The following SLC2A9 variants were observed in gnomAD, a reference collection of about 807,000 sequenced individuals.
The protein encoded by SLC2A9 is solute carrier family 2, facilitated glucose transporter member 9.
Under a neutral mutation model 50.6 loss-of-function variants are expected in SLC2A9, and 39 were observed. That is an observed-to-expected ratio of 0.77 (90% CI 0.60 to 1.01). The LOEUF (loss-of-function observed/expected upper bound fraction) is 1.01. Among genes scored for constraint, SLC2A9 ranks in the 50% least tolerant of loss-of-function variants. The probability of loss-of-function intolerance (pLI) is 0.00; values close to 1 mark genes in which losing one functional copy is unlikely to be tolerated. For synonymous variants in SLC2A9, 324 were observed against 276.9 expected (o/e 1.17, Z -1.69); for missense variants, 686 against 677.6 (o/e 1.01, Z -0.14).
At chr4:9,952,665 C>T (rs1240863692) in intron 5 of SLC2A9, among the ~76,000 whole-genome samples, 2 of 152,004 alleles carry the variant, frequency 1.3e-5, no homozygotes, top group African/African-American at 4.8e-5. Context: ...GCTAGGACTA[C>T]AGGCATGCAC....
intron 2 of SLC2A9, among the ~76,000 whole-genome samples, chr4:10,018,753 C>T (rs948659459): frequency 1.2e-4 from 19 of 152,212 alleles, no homozygotes; most frequent in African/African-American, 4.1e-4. Context: ...CCAGGACACC[C>T]GCCCTCCAGC....
At chr4:10,018,560 A>ATGATAGATAGATAGATAGATAGG (rs1763024714) in intron 2 of SLC2A9, among the ~76,000 whole-genome samples, 1 of 149,610 alleles carries the variant, frequency 6.7e-6, no homozygotes, top group African/African-American at 2.5e-5. Flanking sequence ...AGATAGATAG[A>ATGATAGATAGATAGATAGATAGG]TAGATAGATA....
chr4:10,027,258 G>A (rs1266543713), intron 1 of SLC2A9, among the ~76,000 whole-genome samples: 1 of 152,110 alleles, frequency 6.6e-6, no homozygotes, highest in African/African-American at 2.4e-5. Context: ...GGATGGAAAT[G>A]GTGGCTGTAC....
chr4:9,983,285 C>G (rs1182818665), intron 4 of SLC2A9, among the ~76,000 whole-genome samples: 1 of 152,216 alleles, frequency 6.6e-6, no homozygotes, highest in Non-Finnish European at 1.5e-5. Context: ...GATTTGTACC[C>G]CCTCCCTGGA....
At chr4:9,824,540 A>G (rs1205670769), downstream of SLC2A9, among the ~76,000 whole-genome samples, 2 of 152,242 alleles carry the variant, frequency 1.3e-5, no homozygotes, top group East Asian at 3.9e-4. Context: ...TCCCTGTGGC[A>G]TGTTTCTATA....
chr4:9,920,658 C>A (rs1743772020), intron 6 of SLC2A9, 86 bp from the exon 7 acceptor site: 1 of 1,506,584 alleles, frequency 6.6e-7, no homozygotes, highest in East Asian at 2.3e-5. Flanking sequence ...ACGGGTCCCA[C>A]CTCCTAGCCA....
At chr4:9,780,694 G>A (rs1331139396) in intron 3 of SLC2A9, among the ~76,000 whole-genome samples, 2 of 152,212 alleles carry the variant, frequency 1.3e-5, no homozygotes, top group Non-Finnish European at 2.9e-5. Flanking sequence ...CTTAACGCCA[G>A]TAGAGGCCGA....
intron 3 of SLC2A9, among the ~76,000 whole-genome samples, chr4:9,813,088 C>T (rs1050589593): frequency 8.5e-5 from 13 of 152,180 alleles, no homozygotes; most frequent in Non-Finnish European, 1.8e-4. Context: ...ATGATCTGAA[C>T]TCCCAGAGCC....
intron 11 of SLC2A9, among the ~76,000 whole-genome samples, chr4:9,831,791 A>G (rs113084161): frequency 1.4e-4 from 21 of 152,346 alleles, no homozygotes; most frequent in African/African-American, 5.1e-4. Context: ...ACAGTGTGAG[A>G]GAACTAGTGT....
chr4:9,935,911 T>C (rs1338125489), intron 6 of SLC2A9, among the ~76,000 whole-genome samples: 1 of 152,080 alleles, frequency 6.6e-6, no homozygotes, highest in African/African-American at 2.4e-5. Context: ...GCCCAGCCTG[T>C]GAAGAATGGG....
At chr4:9,990,419 G>T (rs1272405007) in intron 3 of SLC2A9, among the ~76,000 whole-genome samples, 1 of 152,102 alleles carries the variant, frequency 6.6e-6, no homozygotes, top group Non-Finnish European at 1.5e-5. Flanking sequence ...ACGTTGAAGG[G>T]CTCCCTTATC....
At chr4:9,938,558 A>G (rs1292053747) in intron 6 of SLC2A9, among the ~76,000 whole-genome samples, 6 of 152,160 alleles carry the variant, frequency 3.9e-5, no homozygotes, top group Non-Finnish European at 8.8e-5. Flanking sequence ...GGCGTGAGCC[A>G]CTGCGCCTGG....
chr4:9,803,822 A>G (rs1163975401), intron 3 of SLC2A9, among the ~76,000 whole-genome samples: 1 of 152,230 alleles, frequency 6.6e-6, no homozygotes, highest in African/African-American at 2.4e-5. Context: ...GAATTGTTGG[A>G]TAAATGAATG....
At chr4:9,780,720 C>T (rs1233238002) in intron 3 of SLC2A9, among the ~76,000 whole-genome samples, 2 of 152,212 alleles carry the variant, frequency 1.3e-5, no homozygotes, top group East Asian at 1.9e-4. Flanking sequence ...TTCACAAATG[C>T]AACTTGTCAG....
chr4:9,842,396 C>T (rs570317638), intron 10 of SLC2A9, among the ~76,000 whole-genome samples: 110 of 152,124 alleles, frequency 7.2e-4, no homozygotes, highest in Non-Finnish European at 3.1e-4. Context: ...CTGTGGTTTG[C>T]GACCTTTACT....
chr4:9,976,847 T>A (rs750378562), intron 5 of SLC2A9, among the ~76,000 whole-genome samples: 11 of 151,838 alleles, frequency 7.2e-5, no homozygotes, highest in Non-Finnish European at 1.6e-4. Flanking sequence ...ACATGCACAG[T>A]TCACATCAGT....
chr4:9,878,375 G>A (rs188011717), intron 10 of SLC2A9, among the ~76,000 whole-genome samples: 1 of 152,196 alleles, frequency 6.6e-6, no homozygotes, highest in African/African-American at 2.4e-5. Context: ...CTCTAAGGAA[G>A]GGAGAGGGGC....
downstream of SLC2A9, among the ~76,000 whole-genome samples, chr4:9,778,883 G>A (rs748958604): frequency 7.2e-5 from 11 of 151,858 alleles, no homozygotes; most frequent in South Asian, 6.2e-4. Context: ...GCAGTGGTGC[G>A]ATCTTGGCTC....
intron 3 of SLC2A9, among the ~76,000 whole-genome samples, chr4:9,813,883 G>A (rs879540202): frequency 2.6e-5 from 4 of 152,046 alleles, no homozygotes; most frequent in Non-Finnish European, 5.9e-5. Context: ...ATCACTTGAA[G>A]CCAGGAATTC....
Sources: gnomAD v4.1 joint callset for allele counts (sites outside exome capture counted in the v4.1 genomes callset) on GRCh38, gnomAD v4.1.1 for gene constraint, MANE v1.5 for transcripts, NCBI Gene and HGNC (gene_info 2026-07-23, HGNC 2026-07-21) for gene names.